BRCC3: variants seen among roughly 807,000 people sequenced by gnomAD.
The protein encoded by BRCC3 is lys-63-specific deubiquitinase BRCC36.
A neutral mutation model predicts 28.0 loss-of-function variants in BRCC3; 15 were observed. That is an observed-to-expected ratio of 0.54 (90% CI 0.36 to 0.82). The LOEUF is 0.82. Ranked by LOEUF, BRCC3 falls within the 40% of genes least tolerant of loss-of-function variation. The pLI, the probability that BRCC3 is intolerant of heterozygous loss-of-function variation, is 0.01. For synonymous variants in BRCC3, 66 were observed against 80.3 expected (o/e 0.82, Z 0.95); for missense variants, 109 against 225.9 (o/e 0.48, Z 3.32).
intron 7 of BRCC3, among the ~76,000 whole-genome samples, chrX:155,091,568 G>A (rs907944426): frequency 2.9e-4 from 32 of 111,476 alleles, no homozygotes; most frequent in African/African-American, 9.4e-4. Flanking sequence ...CACTGCACCC[G>A]GCCACTAGCA....
intron 7 of BRCC3, among the ~76,000 whole-genome samples, chrX:155,098,196 G>A (rs2074223526): frequency 9.0e-6 from 1 of 111,671 alleles, no homozygotes; most frequent in Admixed American, 9.5e-5. Flanking sequence ...ATACATTTGA[G>A]GTCATAAATT....
chrX:155,076,583 A>T lies in BRCC3; in HGVS notation c.196-587A>T, dbSNP rs149977703. 7.4e-3 allele frequency among the ~76,000 whole-genome samples: 817 copies of T among 110,495 alleles called. 9 individuals are homozygous for T. Among genetic ancestry groups the T allele is most frequent in the African/African-American group, 0.025 (745 of 30,265 alleles). ...GAGAGAGAGTGAGGGGGGAAGTGCCACACTTTTAAACCATCAGATCTCCTG... is the reference window on the plus strand; with the variant it reads ...GAGAGAGAGTGAGGGGGGAAGTGCCTCACTTTTAAACCATCAGATCTCCTG... On this transcript the variant is annotated intron_variant, in intron 3 of 10. Coordinates refer to ENST00000330045, the MANE Select transcript of BRCC3 (RefSeq NM_001018055.3).
At chrX:155,075,500 C>T (rs1337378670) in intron 3 of BRCC3, among the ~76,000 whole-genome samples, 1 of 112,184 alleles carries the variant, frequency 8.9e-6, no homozygotes, top group Non-Finnish European at 1.9e-5. Flanking sequence ...ATTATCTCAT[C>T]TGAAAACAAG....
At chrX:155,112,740 A>G (rs1417414587) in intron 7 of BRCC3, among the ~76,000 whole-genome samples, 3 of 112,614 alleles carry the variant, frequency 2.7e-5, no homozygotes, top group Non-Finnish European at 5.6e-5. Flanking sequence ...CTGTTCACAC[A>G]TGAAATATAT....
intron 3 of BRCC3, among the ~76,000 whole-genome samples, chrX:155,075,305 T>G (rs1223587187): frequency 2.0e-5 from 1 of 51,108 alleles, no homozygotes; most frequent in Non-Finnish European, 2.9e-5. Flanking sequence ...TGGCCCTTCT[T>G]GTTCTTCCCC....
chrX:155,113,888 C>T (rs1177889966), intron 7 of BRCC3, among the ~76,000 whole-genome samples: 2 of 111,278 alleles, frequency 1.8e-5, no homozygotes, highest in African/African-American at 6.5e-5. Context: ...CACTAATTGT[C>T]AGAGAAATGC....
intron 3 of BRCC3, among the ~76,000 whole-genome samples, chrX:155,075,531 A>T (rs1176034528): frequency 9.0e-6 from 1 of 111,342 alleles, no homozygotes; most frequent in Non-Finnish European, 1.9e-5. Flanking sequence ...TTCCTTCCTG[A>T]CCCTTTCTAA....
intron 7 of BRCC3, among the ~76,000 whole-genome samples, chrX:155,113,158 A>G (rs1247999275): frequency 4.6e-5 from 3 of 64,675 alleles, no homozygotes; most frequent in Non-Finnish European, 8.0e-5. Flanking sequence ...ATGGAGTCTC[A>G]CTCTGTCACC....
intron 5 of BRCC3, among the ~76,000 whole-genome samples, chrX:155,086,630 C>G (rs1038872704): frequency 3.6e-5 from 4 of 111,387 alleles, no homozygotes; most frequent in African/African-American, 1.3e-4. Context: ...AAGCGCTGCT[C>G]ACAGCGCCAT....
intron 1 of BRCC3, 81 bp from the exon 2 acceptor site, chrX:155,072,246 T>G (rs1029386400): frequency 7.3e-6 from 6 of 816,945 alleles, no homozygotes; most frequent in Non-Finnish European, 1.1e-5. Flanking sequence ...ACACATGACC[T>G]AATTGTCATA....
chrX:155,074,362 C>G (rs2074012234), intron 3 of BRCC3, among the ~76,000 whole-genome samples: 1 of 112,130 alleles, frequency 8.9e-6, no homozygotes, highest in African/African-American at 3.2e-5. Flanking sequence ...CTTCACCTTC[C>G]CCAGTCAAAC....
intron 7 of BRCC3, among the ~76,000 whole-genome samples, chrX:155,100,897 ATT>A (rs1163033196): frequency 3.9e-5 from 4 of 103,575 alleles, no homozygotes; most frequent in Admixed American, 1.0e-4. Context: ...CAGTATAATA[ATT>A]TTTTTTTTTT....
At chrX:155,095,981 T>C (rs2074206862) in intron 7 of BRCC3, among the ~76,000 whole-genome samples, 1 of 112,067 alleles carries the variant, frequency 8.9e-6, no homozygotes, top group African/African-American at 3.2e-5. Flanking sequence ...GTACACTGTA[T>C]GATGTTTTAA....
intron 10 of BRCC3, 124 bp downstream of exon 10, chrX:155,120,292 GT>G (rs1476175466): frequency 1.9e-6 from 1 of 527,409 alleles, no homozygotes; most frequent in Non-Finnish European, 3.1e-6. Context: ...CTTCCTGACA[GT>G]TTAATTAGAG....
intron 7 of BRCC3, among the ~76,000 whole-genome samples, chrX:155,106,880 T>A (rs2074288266): frequency 8.9e-6 from 1 of 112,354 alleles, no homozygotes; most frequent in Admixed American, 9.4e-5. Context: ...TAAGAAATTA[T>A]TCATTTTTTA....
chrX:155,098,260 T>C (rs1291193858), intron 7 of BRCC3, among the ~76,000 whole-genome samples: 3 of 112,368 alleles, frequency 2.7e-5, no homozygotes, highest in East Asian at 5.5e-4. Flanking sequence ...AAGGCAGTTC[T>C]GATGTTTTTT....
chrX:155,097,626 G>A (rs1343336042), intron 7 of BRCC3, among the ~76,000 whole-genome samples: 4 of 112,285 alleles, frequency 3.6e-5, no homozygotes, highest in African/African-American at 9.7e-5. Context: ...ACAAGTGTTG[G>A]CAAAGACATG....
chrX:155,079,672 G>T (rs1393858265), intron 5 of BRCC3, among the ~76,000 whole-genome samples: 2 of 110,943 alleles, frequency 1.8e-5, no homozygotes, highest in Non-Finnish European at 3.8e-5. Context: ...GTGTTAGGTG[G>T]GGATATTGTT....
intron 1 of BRCC3, 31 bp from the exon 2 acceptor site, chrX:155,072,296 C>A: frequency 8.5e-7 from 1 of 1,179,564 alleles, no homozygotes; most frequent in Non-Finnish European, 1.2e-6. Flanking sequence ...GTAATGTGAT[C>A]AATAATGTTT....
Sources: allele counts gnomAD v4.1 joint callset (sites outside exome capture counted in the v4.1 genomes callset), GRCh38; gene constraint gnomAD v4.1.1; transcripts MANE v1.5; gene names NCBI Gene and HGNC (gene_info 2026-07-23, HGNC 2026-07-21).